The following ACER3 variants were observed in gnomAD, a reference collection of about 807,000 sequenced individuals.
ACER3 encodes alkaline ceramidase 3, also known as alkCDase 3.
A neutral mutation model predicts 48.9 loss-of-function variants in ACER3; 16 were observed. The observed-to-expected ratio is 0.33, with a 90% CI of 0.22 to 0.50. ACER3 has a LOEUF of 0.50. Among genes scored for constraint, ACER3 ranks in the 20% least tolerant of loss-of-function variants. ACER3 has a pLI of 0.98. For synonymous variants in ACER3, 109 were observed against 107.8 expected (o/e 1.01, Z -0.07); for missense variants, 227 against 326.0 (o/e 0.70, Z 2.34).
At chr11:77,000,330 T>C (rs1949005083) in intron 7 of ACER3, among the ~76,000 whole-genome samples, 1 of 152,240 alleles carries the variant, frequency 6.6e-6, no homozygotes, top group Non-Finnish European at 1.5e-5. Context: ...TGTGAGATTC[T>C]AATTCTTTAT....
intron 6 of ACER3, among the ~76,000 whole-genome samples, chr11:76,995,723 G>A (rs2135247324): frequency 1.3e-5 from 2 of 152,242 alleles, no homozygotes; most frequent in East Asian, 3.9e-4. Context: ...TGAATACTAG[G>A]TAGGCCACTA....
chr11:77,010,358 A>T (rs1479020130), intron 7 of ACER3, among the ~76,000 whole-genome samples: 8 of 151,734 alleles, frequency 5.3e-5, no homozygotes, highest in African/African-American at 1.7e-4. Context: ...TAATTTTTTT[A>T]AAAATTATAA....
chr11:76,925,660 T>G (rs1946810338), intron 1 of ACER3, among the ~76,000 whole-genome samples: 1 of 152,220 alleles, frequency 6.6e-6, no homozygotes, highest in African/African-American at 2.4e-5. Context: ...TTCTTAGCTC[T>G]CATGTCATCC....
At chr11:76,872,355 C>T (rs933864054) in intron 1 of ACER3, among the ~76,000 whole-genome samples, 1 of 152,108 alleles carries the variant, frequency 6.6e-6, no homozygotes, top group Non-Finnish European at 1.5e-5. Flanking sequence ...GGATTACAGG[C>T]GTGAGCCACC....
intron 1 of ACER3, among the ~76,000 whole-genome samples, chr11:76,907,561 T>G (rs2134704879): frequency 6.6e-6 from 1 of 152,324 alleles, no homozygotes; most frequent in South Asian, 2.1e-4. Context: ...ACAAGATTAT[T>G]TTTGAATTGG....
chr11:76,880,117 A>T (rs566948810), intron 1 of ACER3, among the ~76,000 whole-genome samples: 1 of 152,030 alleles, frequency 6.6e-6, no homozygotes, highest in African/African-American at 2.4e-5. Context: ...CGATTTTATT[A>T]TGTCAGAGGA....
At chr11:76,988,837 G>T (rs1201580212) in intron 5 of ACER3, among the ~76,000 whole-genome samples, 2 of 152,176 alleles carry the variant, frequency 1.3e-5, no homozygotes, top group Admixed American at 6.5e-5. Context: ...TAGACAATTG[G>T]TGGGAGAGAC....
chr11:76,943,885 C>T, intron 2 of ACER3, among the ~76,000 whole-genome samples: 1 of 147,760 alleles, frequency 6.8e-6, no homozygotes. Context: ...AGAATTGATA[C>T]CTTTATCATT....
chr11:76,907,813 G>T (rs936610022), intron 1 of ACER3, among the ~76,000 whole-genome samples: 1 of 152,224 alleles, frequency 6.6e-6, no homozygotes, highest in African/African-American at 2.4e-5. Flanking sequence ...AGAGCTTGCA[G>T]TGAGCTGAGA....
At chr11:77,008,301 C>T (rs1446138083) in intron 7 of ACER3, among the ~76,000 whole-genome samples, 4 of 152,126 alleles carry the variant, frequency 2.6e-5, no homozygotes, top group Non-Finnish European at 5.9e-5. Flanking sequence ...TAATGTAGAC[C>T]CCTTAGGTAA....
intron 1 of ACER3, among the ~76,000 whole-genome samples, chr11:76,868,993 C>G (rs1945172886): frequency 6.6e-6 from 1 of 152,206 alleles, no homozygotes; most frequent in South Asian, 2.1e-4. Flanking sequence ...CTTCTTCTGG[C>G]TGTTTATTTG....
intron 1 of ACER3, among the ~76,000 whole-genome samples, chr11:76,915,663 A>G (rs1946507428): frequency 6.6e-6 from 1 of 152,216 alleles, no homozygotes; most frequent in South Asian, 2.1e-4. Context: ...ATAAAGAAAT[A>G]CCTGAGACTG....
intron 1 of ACER3, among the ~76,000 whole-genome samples, chr11:76,916,777 A>G (rs1322840031): frequency 1.3e-5 from 2 of 152,128 alleles, no homozygotes; most frequent in Non-Finnish European, 1.5e-5. Flanking sequence ...TTCACCAACT[A>G]TTTCTCTAGG....
intron 2 of ACER3, among the ~76,000 whole-genome samples, chr11:76,956,069 C>T (rs1291168481): frequency 6.6e-6 from 1 of 152,110 alleles, no homozygotes; most frequent in African/African-American, 2.4e-5. Context: ...AAAATGACTG[C>T]TAATGGGTAT....
intron 4 of ACER3, among the ~76,000 whole-genome samples, chr11:76,985,186 C>T (rs1190699888): frequency 6.6e-6 from 1 of 152,140 alleles, no homozygotes; most frequent in African/African-American, 2.4e-5. Context: ...AGGCTGGACC[C>T]TCTATCTCCC....
intron 3 of ACER3, among the ~76,000 whole-genome samples, chr11:76,966,111 G>A (rs1948131153): frequency 6.6e-6 from 1 of 151,866 alleles, no homozygotes; most frequent in South Asian, 2.1e-4. Flanking sequence ...GGGATGGAGG[G>A]AGATCTACCA....
At chr11:77,000,182 T>C (rs1159934079) in intron 7 of ACER3, among the ~76,000 whole-genome samples, 4 of 152,208 alleles carry the variant, frequency 2.6e-5, no homozygotes, top group Admixed American at 1.3e-4. Context: ...GCTAATCACG[T>C]TGAACATACC....
chr11:76,996,976 T>C (rs887501485), intron 6 of ACER3, among the ~76,000 whole-genome samples: 7 of 152,216 alleles, frequency 4.6e-5, no homozygotes, highest in African/African-American at 1.2e-4. Flanking sequence ...TCCGCCTGCC[T>C]TGGGCTCCCA....
chr11:76,913,241 G>T (rs545946737), intron 1 of ACER3, among the ~76,000 whole-genome samples: 1 of 152,196 alleles, frequency 6.6e-6, no homozygotes, highest in South Asian at 2.1e-4. Context: ...CTTTGCTGAA[G>T]TTGCTTATCA....
Sources: allele counts gnomAD v4.1 joint callset (sites outside exome capture counted in the v4.1 genomes callset), GRCh38; gene constraint gnomAD v4.1.1; transcripts MANE v1.5; gene names NCBI Gene and HGNC (gene_info 2026-07-23, HGNC 2026-07-21).